SPAG16: variants seen among roughly 807,000 people sequenced by gnomAD.
SPAG16 encodes the protein sperm associated antigen 16, also known as sperm-associated antigen 16 protein.
Under a neutral mutation model 80.4 loss-of-function variants are expected in SPAG16, and 86 were observed. That is an observed-to-expected ratio of 1.07 (90% CI 0.90 to 1.28). The LOEUF (loss-of-function observed/expected upper bound fraction) is 1.28. Among genes scored for constraint, SPAG16 ranks in the 50% most tolerant of loss-of-function variants. SPAG16 has a pLI of 0.00. For synonymous variants in SPAG16, 294 were observed against 265.9 expected (o/e 1.11, Z -1.03); for missense variants, 870 against 765.3 (o/e 1.14, Z -1.61).
chr2:213,529,355 A>G (rs2075992032), intron 10 of SPAG16, among the ~76,000 whole-genome samples: 1 of 152,176 alleles, frequency 6.6e-6, no homozygotes, highest in African/African-American at 2.4e-5. Flanking sequence ...TGATTTCTGT[A>G]TTAAACCCTG....
At chr2:214,259,354 C>CAT (rs1285620711) in intron 15 of SPAG16, among the ~76,000 whole-genome samples, 1 of 148,352 alleles carries the variant, frequency 6.7e-6, no homozygotes, top group Non-Finnish European at 1.5e-5. Context: ...AAAAAAAATA[C>CAT]ATATATATAA....
intron 15 of SPAG16, among the ~76,000 whole-genome samples, chr2:214,228,827 G>C (rs780051569): frequency 5.3e-5 from 8 of 151,814 alleles, no homozygotes; most frequent in Non-Finnish European, 5.9e-5. Context: ...TAACAAATGA[G>C]AAAAATGAAA....
intron 9 of SPAG16, among the ~76,000 whole-genome samples, chr2:213,477,447 C>T (rs918542511): frequency 6.6e-6 from 1 of 152,216 alleles, no homozygotes; most frequent in African/African-American, 2.4e-5. Context: ...GAGTTATACC[C>T]TGCAAAGCCA....
chr2:213,760,837 A>G (rs1162972793), intron 10 of SPAG16, among the ~76,000 whole-genome samples: 1 of 152,234 alleles, frequency 6.6e-6, no homozygotes, highest in Non-Finnish European at 1.5e-5. Context: ...AACATTTGGC[A>G]AGGGACATCC....
chr2:213,426,672 C>T (rs1297188062), intron 9 of SPAG16, among the ~76,000 whole-genome samples: 1 of 151,978 alleles, frequency 6.6e-6, no homozygotes, highest in Non-Finnish European at 1.5e-5. Context: ...ATAACCTTCT[C>T]TTCTCCTATA....
chr2:213,396,804 T>C (rs2068060161), intron 9 of SPAG16: 3 of 313,770 alleles, frequency 9.6e-6, no homozygotes, highest in East Asian at 9.0e-5. Context: ...ACCCATACCC[T>C]TTATCTGTGT....
At chr2:214,190,812 T>C (rs2057637654) in intron 15 of SPAG16, among the ~76,000 whole-genome samples, 1 of 152,058 alleles carries the variant, frequency 6.6e-6, no homozygotes, top group Admixed American at 6.6e-5. Flanking sequence ...CCTCACCAGA[T>C]CTCATGATAG....
chr2:214,260,050 T>C (rs1691023297), intron 15 of SPAG16, among the ~76,000 whole-genome samples: 1 of 152,208 alleles, frequency 6.6e-6, no homozygotes, highest in African/African-American at 2.4e-5. Context: ...CTGCTATGAT[T>C]TTGTAGCTAA....
intron 10 of SPAG16, among the ~76,000 whole-genome samples, chr2:213,690,735 G>C (rs1388268542): frequency 6.6e-6 from 1 of 152,128 alleles, no homozygotes; most frequent in African/African-American, 2.4e-5. Context: ...TGTTATGCTG[G>C]ATGCTTGGCT....
intron 10 of SPAG16, among the ~76,000 whole-genome samples, chr2:213,511,448 G>A (rs2075222961): frequency 6.6e-6 from 1 of 151,850 alleles, no homozygotes; most frequent in African/African-American, 2.4e-5. Context: ...TTTTTGTTAG[G>A]GGTAATTTTA....
rs566652751 is a variant in SPAG16 at position 214,371,511 on chromosome 2, C to T, written c.1721-38629C>T. On this transcript the variant is annotated intron_variant, in intron 15 of 15. Transcript: ENST00000331683. ...TACACCATTGCACTCCAGCCTGGGC[C>T]GTAAGAGCACAAATCCTTCTCAAAA... 2.2e-4 allele frequency among the ~76,000 whole-genome samples: 29 copies of T among 131,544 alleles called. 2 individuals carry two copies. In the South Asian group the frequency reaches 5.1e-3, roughly 23 times the overall value. The allele number at this position is 131,544 out of a possible 152,430, so 86.3% of individuals were successfully genotyped here.
intron 8 of SPAG16, among the ~76,000 whole-genome samples, chr2:213,368,618 T>G (rs575505942): frequency 3.3e-4 from 51 of 152,248 alleles, no homozygotes; most frequent in African/African-American, 1.2e-3. Context: ...AAAGAAGAAG[T>G]CAAATTGTCC....
chr2:213,460,294 A>G (rs2072285912), intron 9 of SPAG16, among the ~76,000 whole-genome samples: 1 of 152,194 alleles, frequency 6.6e-6, no homozygotes, highest in Admixed American at 6.5e-5. Flanking sequence ...CTCCAAATAT[A>G]ATACCATTCT....
intron 8 of SPAG16, among the ~76,000 whole-genome samples, chr2:213,372,233 A>C (rs1158500149): frequency 6.6e-6 from 1 of 152,074 alleles, no homozygotes; most frequent in African/African-American, 2.4e-5. Context: ...TCAGTGCAGT[A>C]ATGCCTATTT....
chr2:213,788,322 C>A (rs1332255734), intron 10 of SPAG16, among the ~76,000 whole-genome samples: 7 of 151,872 alleles, frequency 4.6e-5, no homozygotes, highest in African/African-American at 1.7e-4. Context: ...ATAAGCTACA[C>A]AATCACATTT....
chr2:213,401,189 A>G (rs2068290470), intron 9 of SPAG16, among the ~76,000 whole-genome samples: 1 of 152,244 alleles, frequency 6.6e-6, no homozygotes, highest in Admixed American at 6.5e-5. Context: ...ACCTGACTCT[A>G]CAGAAGCTTG....
chr2:214,384,255 A>T (rs1454319966), intron 15 of SPAG16, among the ~76,000 whole-genome samples: 3 of 152,184 alleles, frequency 2.0e-5, no homozygotes, highest in African/African-American at 7.2e-5. Flanking sequence ...ACTGTTTGTT[A>T]TAATGCTTTT....
chr2:214,255,003 T>G (rs1399955429), intron 15 of SPAG16, among the ~76,000 whole-genome samples: 1 of 152,092 alleles, frequency 6.6e-6, no homozygotes, highest in African/African-American at 2.4e-5. Context: ...GGGATAATGG[T>G]GTAACTTCCT....
At chr2:213,766,251 A>G (rs2068932663) in intron 10 of SPAG16, among the ~76,000 whole-genome samples, 2 of 152,364 alleles carry the variant, frequency 1.3e-5, no homozygotes, top group Admixed American at 6.5e-5. Flanking sequence ...AACAGGAGAA[A>G]GGGAGTGACT....
Sources: gnomAD v4.1 joint callset for allele counts (sites outside exome capture counted in the v4.1 genomes callset) on GRCh38, gnomAD v4.1.1 for gene constraint, MANE v1.5 for transcripts, NCBI Gene and HGNC (gene_info 2026-07-23, HGNC 2026-07-21) for gene names.